Variants in SYT16 observed in about 807,000 individuals in gnomAD.
SYT16 encodes the protein synaptotagmin-16.
Under a neutral mutation model 61.4 loss-of-function variants are expected in SYT16, and 42 were observed. The observed-to-expected ratio is 0.68, with a 90% CI of 0.53 to 0.89. The LOEUF is 0.89. Ranked by LOEUF, SYT16 falls within the 40% of genes least tolerant of loss-of-function variation. SYT16 has a pLI of 0.00. For missense variants in SYT16, 804 were observed against 807.3 expected (o/e 1.00, Z 0.05); for synonymous variants, 314 against 302.3 (o/e 1.04, Z -0.40).
intron 1 of SYT16, among the ~76,000 whole-genome samples, chr14:61,914,322 CA>C (rs1339398492): frequency 2.6e-5 from 4 of 152,148 alleles, no homozygotes; most frequent in Admixed American, 2.6e-4. Flanking sequence ...TTTGGTGAAG[CA>C]AAAGCTCCAC....
intron 1 of SYT16, among the ~76,000 whole-genome samples, chr14:61,820,850 T>C (rs1283719702): frequency 1.3e-5 from 2 of 152,186 alleles, no homozygotes; most frequent in Non-Finnish European, 2.9e-5. Flanking sequence ...AAAAGCTTAA[T>C]ATGCTAGTAA....
intron 1 of SYT16, among the ~76,000 whole-genome samples, chr14:61,859,526 T>C (rs60765550): frequency 0.15 from 23,207 of 151,222 alleles, 2,015 homozygotes; most frequent in African/African-American, 0.24. Flanking sequence ...GGAAAACCCC[T>C]CTCTCTCTCG....
intron 3 of SYT16, among the ~76,000 whole-genome samples, chr14:62,012,864 T>C (rs1324534531): frequency 1.3e-5 from 2 of 152,210 alleles, no homozygotes; most frequent in African/African-American, 4.8e-5. Context: ...TTTGAAATTA[T>C]AAAGAGAGTA....
At chr14:61,902,884 C>T (rs1021539872) in intron 1 of SYT16, among the ~76,000 whole-genome samples, 2 of 152,146 alleles carry the variant, frequency 1.3e-5, no homozygotes, top group African/African-American at 4.8e-5. Flanking sequence ...ACCACGAGAA[C>T]AGTATGGGGG....
At chr14:62,018,974 G>A (rs2053814540) in intron 3 of SYT16, among the ~76,000 whole-genome samples, 1 of 152,200 alleles carries the variant, frequency 6.6e-6, no homozygotes, top group Non-Finnish European at 1.5e-5. Context: ...TTGAATAAAT[G>A]AAAGAATACT....
At chr14:61,978,884 ATAAGT>A (rs890000911) in intron 2 of SYT16, among the ~76,000 whole-genome samples, 1 of 152,236 alleles carries the variant, frequency 6.6e-6, no homozygotes, top group African/African-American at 2.4e-5. Context: ...GGAATAAAAA[ATAAGT>A]TATTTACGAA....
intron 1 of SYT16, among the ~76,000 whole-genome samples, chr14:61,836,417 G>C (rs1403190300): frequency 6.6e-6 from 1 of 152,150 alleles, no homozygotes; most frequent in Non-Finnish European, 1.5e-5. Flanking sequence ...TGAATATGTA[G>C]AAAACCAATT....
intron 3 of SYT16, among the ~76,000 whole-genome samples, chr14:61,997,920 C>T (rs1158768080): frequency 6.6e-6 from 1 of 151,980 alleles, no homozygotes; most frequent in African/African-American, 2.4e-5. Context: ...TAGATTGGAG[C>T]CTCCAGGAAG....
intron 1 of SYT16, among the ~76,000 whole-genome samples, chr14:61,925,258 C>T (rs1246056179): frequency 1.3e-5 from 2 of 152,200 alleles, no homozygotes; most frequent in South Asian, 4.1e-4. Context: ...CAGCTATTTA[C>T]ACCTGGGATG....
At chr14:61,888,297 T>G (rs996159802) in intron 1 of SYT16, among the ~76,000 whole-genome samples, 1 of 152,244 alleles carries the variant, frequency 6.6e-6, no homozygotes, top group Middle Eastern at 3.4e-3. Context: ...TTTATATTTT[T>G]AGTAGAGACA....
chr14:62,095,591 C>CTA (rs2057246902), intron 7 of SYT16, among the ~76,000 whole-genome samples: 1 of 151,536 alleles, frequency 6.6e-6, no homozygotes, highest in Admixed American at 6.6e-5. Flanking sequence ...CAAACAGAAA[C>CTA]TATATACACA....
rs1327691232 is a variant in SYT16 at position 62,102,535 on chromosome 14, T to A, written c.*1828T>A. ...TTCCAGCATTATATCCATTAACTGC[T>A]GAGTGGTCTTTGCAGCGTGGCTAAG... On this transcript the variant is annotated 3_prime_UTR_variant, in exon 8 of 8. Coordinates refer to ENST00000683842, the MANE Select transcript of SYT16 (RefSeq NM_001367656.1). 2 of 152,198 alleles carry A rather than the reference T, an allele frequency of 1.3e-5. No individual in the cohort carries two copies. The highest frequency in any genetic ancestry group is 1.3e-4 in the Admixed American group (2 of 15,272). The allele number at this position is 152,198 out of a possible 1,614,324, so 9.4% of individuals were successfully genotyped here.
chr14:62,013,380 C>T (rs1234299553), intron 3 of SYT16, among the ~76,000 whole-genome samples: 2 of 152,116 alleles, frequency 1.3e-5, no homozygotes, highest in East Asian at 1.9e-4. Context: ...AGCTCAACAG[C>T]GTTTACTGGC....
intron 1 of SYT16, among the ~76,000 whole-genome samples, chr14:61,848,860 G>A (rs755519529): frequency 6.6e-6 from 1 of 152,138 alleles, no homozygotes; most frequent in Non-Finnish European, 1.5e-5. Flanking sequence ...CTTTCCCTCT[G>A]CTTTTATCAA....
rs1272805619 is a variant in SYT16, at chr14:62,107,836, T to C, written c.*7129T>C. On this transcript the variant is annotated 3_prime_UTR_variant, in exon 8 of 8. Transcript: ENST00000683842. ...CAGTGAAAAGAATTATAGCATCAAA[T>C]AGGATATTTAGTATTCTTGACTTTT... 6.6e-6 allele frequency: 1 copy of C among 152,210 alleles called. No individual in the cohort carries two copies. Among genetic ancestry groups the C allele is most frequent in the African/African-American group, 2.4e-5 (1 of 41,454 alleles). 9.4% of individuals were successfully genotyped at this position (152,210 alleles called of 1,614,324 possible).
At chr14:61,917,669 G>T (rs1011444686) in intron 1 of SYT16, among the ~76,000 whole-genome samples, 3 of 151,966 alleles carry the variant, frequency 2.0e-5, no homozygotes, top group Admixed American at 6.6e-5. Context: ...TTGCTTAAAG[G>T]TACTTGAGTT....
chr14:61,965,363 C>T (rs1166730006), intron 1 of SYT16, among the ~76,000 whole-genome samples: 1 of 152,138 alleles, frequency 6.6e-6, no homozygotes, highest in Non-Finnish European at 1.5e-5. Context: ...TCACTAAGTA[C>T]TCATAAGCAC....
intron 3 of SYT16, among the ~76,000 whole-genome samples, chr14:61,999,539 A>C (rs148029727): frequency 1.3e-5 from 2 of 151,464 alleles, no homozygotes; most frequent in African/African-American, 4.8e-5. Flanking sequence ...CCACCTACCT[A>C]TCTGTGTTTT....
At chr14:61,868,311 TTTG>T (rs2047224798) in intron 1 of SYT16, among the ~76,000 whole-genome samples, 2 of 151,914 alleles carry the variant, frequency 1.3e-5, no homozygotes, top group South Asian at 2.1e-4. Context: ...TTTAGATTTT[TTTG>T]TTATTTAAAA....
Sources: gnomAD v4.1 joint callset for allele counts (sites outside exome capture counted in the v4.1 genomes callset) on GRCh38, gnomAD v4.1.1 for gene constraint, MANE v1.5 for transcripts, NCBI Gene and HGNC (gene_info 2026-07-23, HGNC 2026-07-21) for gene names.